Variants in SUMF1 observed in about 807,000 individuals in gnomAD.
SUMF1 encodes sulfatase modifying factor 1, also known as formylglycine-generating enzyme.
A neutral mutation model predicts 47.6 loss-of-function variants in SUMF1; 48 were observed. That is an observed-to-expected ratio of 1.01 (90% CI 0.80 to 1.28). The LOEUF (loss-of-function observed/expected upper bound fraction) is 1.28, where lower values mean the gene tolerates loss of function less well. Ranked by LOEUF, SUMF1 falls within the 50% of genes most tolerant of loss-of-function variation. The probability of loss-of-function intolerance (pLI) is 0.00; values close to 1 mark genes in which losing one functional copy is unlikely to be tolerated. For synonymous variants in SUMF1, 230 were observed against 192.1 expected, an observed-to-expected ratio of 1.20 and a Z score of -1.63; for missense variants, 571 against 485.4, an observed-to-expected ratio of 1.18 and a Z score of -1.66.
chr3:4,220,094 A>T (rs556202719), intron 8 of SUMF1, among the ~76,000 whole-genome samples: 1 of 152,170 alleles, frequency 6.6e-6, no homozygotes, highest in Non-Finnish European at 1.5e-5. Flanking sequence ...AGAGCATTAC[A>T]TAAGTCACTA....
intron 8 of SUMF1, among the ~76,000 whole-genome samples, chr3:4,215,120 C>T (rs538946264): frequency 3.9e-5 from 6 of 152,254 alleles, no homozygotes; most frequent in African/African-American, 1.4e-4. Context: ...GCCAATATCC[C>T]TGACGAACAT....
At chr3:4,396,457 C>A (rs1236539112) in intron 7 of SUMF1, among the ~76,000 whole-genome samples, 1 of 152,186 alleles carries the variant, frequency 6.6e-6, no homozygotes, top group Non-Finnish European at 1.5e-5. Context: ...GGCATCACCA[C>A]GGGACCTACC....
chr3:4,166,604 G>A (rs1053085371), intron 8 of SUMF1, among the ~76,000 whole-genome samples: 1 of 152,114 alleles, frequency 6.6e-6, no homozygotes, highest in Non-Finnish European at 1.5e-5. Context: ...GTTTTTAGAA[G>A]CATGACTAGC....
chr3:4,277,896 T>A (rs1697451224), intron 8 of SUMF1, among the ~76,000 whole-genome samples: 1 of 152,120 alleles, frequency 6.6e-6, no homozygotes, highest in Non-Finnish European at 1.5e-5. Flanking sequence ...GACGTGGTAA[T>A]CTAATCATCA....
chr3:4,168,435 C>CAGCTCTG (rs1559530505), intron 8 of SUMF1, among the ~76,000 whole-genome samples: 1 of 152,180 alleles, frequency 6.6e-6, no homozygotes, highest in Non-Finnish European at 1.5e-5. Flanking sequence ...TCTCCAGCTC[C>CAGCTCTG]AGCTCTGCTC....
chr3:4,186,999 T>C (rs986595690), intron 8 of SUMF1, among the ~76,000 whole-genome samples: 1 of 152,208 alleles, frequency 6.6e-6, no homozygotes, highest in African/African-American at 2.4e-5. Flanking sequence ...TTGCTAGTTA[T>C]GCAATACATT....
At chr3:4,106,035 C>A (rs1693149892) in intron 8 of SUMF1, among the ~76,000 whole-genome samples, 1 of 151,700 alleles carries the variant, frequency 6.6e-6, no homozygotes, top group Non-Finnish European at 1.5e-5. Context: ...AATAATTGGT[C>A]AAAATTGCTT....
At chr3:4,150,092 T>TTTTA (rs1356261146) in intron 8 of SUMF1, among the ~76,000 whole-genome samples, 3 of 148,058 alleles carry the variant, frequency 2.0e-5, no homozygotes, top group African/African-American at 7.5e-5. Context: ...TCAACTTTAT[T>TTTTA]TTTATTTATT....
At chr3:4,178,997 C>A (rs1446185240) in intron 8 of SUMF1, among the ~76,000 whole-genome samples, 1 of 152,034 alleles carries the variant, frequency 6.6e-6, no homozygotes, top group Non-Finnish European at 1.5e-5. Flanking sequence ...ATGTGATGGA[C>A]CTCTTCAAGG....
rs534652229 is a variant in SUMF1 at position 4,199,383 on chromosome 3, G to A, written c.1015-130638C>T. On this transcript the variant is annotated intron_variant and NMD_transcript_variant, in intron 8 of 12. Coordinates refer to the SUMF1 transcript ENST00000448413. ...CATTTTAGTTATCTATTCCCCAGCTGAAGGATATTTACGTTGTCCAACTTT... is the reference window on the plus strand; with the variant it reads ...CATTTTAGTTATCTATTCCCCAGCTAAAGGATATTTACGTTGTCCAACTTT... Among the ~76,000 whole-genome samples, 8 of 152,218 alleles carry A rather than the reference G, an allele frequency of 5.3e-5. No individual in the cohort carries two copies. In the South Asian group the frequency reaches 1.7e-3, roughly 32 times the overall value.
At chr3:4,174,659 C>G (rs908520092) in intron 8 of SUMF1, among the ~76,000 whole-genome samples, 3 of 152,120 alleles carry the variant, frequency 2.0e-5, no homozygotes, top group African/African-American at 7.2e-5. Flanking sequence ...CACTGAGGTA[C>G]CTGGTTCATC....
At chr3:4,191,399 TGAA>T (rs1695312117) in intron 8 of SUMF1, among the ~76,000 whole-genome samples, 2 of 152,150 alleles carry the variant, frequency 1.3e-5, no homozygotes, top group African/African-American at 4.8e-5. Flanking sequence ...TGGTACCAAA[TGAA>T]GAAGTAAAAG....
intron 6 of SUMF1, among the ~76,000 whole-genome samples, chr3:4,412,102 C>T (rs1030040570): frequency 1.3e-5 from 2 of 152,304 alleles, no homozygotes; most frequent in East Asian, 3.9e-4. Context: ...AAAATTCTCA[C>T]CACACTGCTT....
intron 8 of SUMF1, among the ~76,000 whole-genome samples, chr3:4,290,700 GTTC>G (rs1264696350): frequency 4.6e-5 from 7 of 151,996 alleles, no homozygotes; most frequent in African/African-American, 1.7e-4. Context: ...GCCTTATCTG[GTTC>G]TTCTTATTTT....
intron 8 of SUMF1, among the ~76,000 whole-genome samples, chr3:4,291,850 A>G (rs1474261650): frequency 1.3e-5 from 2 of 152,196 alleles, no homozygotes; most frequent in Non-Finnish European, 2.9e-5. Flanking sequence ...GGATTAGAAT[A>G]AATTCTATCT....
rs1319944078 is a variant in SUMF1, at chr3:4,109,650, C to T, written c.1015-40905G>A. Among the ~76,000 whole-genome samples, 4 of 152,092 alleles carry T rather than the reference C, an allele frequency of 2.6e-5. No homozygotes were observed. The East Asian group carries it at 7.7e-4, about 29-fold the overall frequency. On this transcript the variant is annotated intron_variant and NMD_transcript_variant, in intron 8 of 12. Coordinates refer to the SUMF1 transcript ENST00000448413. The stretch of plus-strand genomic sequence containing the variant: ...TTTTTATTCTTTTTTCTCTAAACTT[C>T]CCTTCTCACTTCATTTCATTCATTT...
intron 3 of SUMF1, among the ~76,000 whole-genome samples, chr3:4,425,870 C>T (rs993127853): frequency 1.3e-5 from 2 of 152,176 alleles, no homozygotes; most frequent in African/African-American, 2.4e-5. Context: ...AGCAAAGGCA[C>T]GCCTTACATG....
chr3:4,430,688 G>C (rs1702205491), intron 3 of SUMF1, among the ~76,000 whole-genome samples: 3 of 152,080 alleles, frequency 2.0e-5, no homozygotes, highest in East Asian at 1.9e-4. Flanking sequence ...ATTGAGAAGG[G>C]AAGACAAACA....
In SUMF1 at chr3:4,208,274, A is replaced by G. The variant is rs111387768; in HGVS notation, c.1015-139529T>C. Reference sequence around the variant, plus strand: ...GTCCCACCTAAAGGGTAAGGAGAGGACTAAGAAGTATTTGCAACTGTCATG... The same window carrying G: ...GTCCCACCTAAAGGGTAAGGAGAGGGCTAAGAAGTATTTGCAACTGTCATG... On this transcript the variant is annotated intron_variant and NMD_transcript_variant, in intron 8 of 12. Transcript: ENST00000448413. Among the ~76,000 whole-genome samples the G allele has an allele frequency of 3.9e-5, 6 of 152,164 alleles. 1 individual carries two copies. Among genetic ancestry groups the G allele is most frequent in the South Asian group, 2.1e-4 (1 of 4,820 alleles).
Sources: allele counts gnomAD v4.1 joint callset (sites outside exome capture counted in the v4.1 genomes callset), GRCh38; gene constraint gnomAD v4.1.1; transcripts MANE v1.5; gene names NCBI Gene and HGNC (gene_info 2026-07-23, HGNC 2026-07-21).